MACF1: variants seen among roughly 807,000 people sequenced by gnomAD.
MACF1 encodes microtubule-actin cross-linking factor 1.
A neutral mutation model predicts 854.8 loss-of-function variants in MACF1; 193 were observed. The observed-to-expected ratio is 0.23, with a 90% CI of 0.20 to 0.25. MACF1 has a LOEUF of 0.25. Among genes scored for constraint, MACF1 ranks in the 10% least tolerant of loss-of-function variants. The pLI is 1.00. For missense variants in MACF1, 7,722 were observed against 8,929.1 expected, an observed-to-expected ratio of 0.86 and a Z score of 5.45; for synonymous variants, 3,185 against 3,226.7, an observed-to-expected ratio of 0.99 and a Z score of 0.44.
At chr1:39,167,886 AAG>A (rs1312443776) in intron 2 of MACF1, among the ~76,000 whole-genome samples, 1,295 of 120,564 alleles carry the variant, frequency 0.011, 19 homozygotes, top group Middle Eastern at 0.023. Flanking sequence ...AAAAAAAAAA[AAG>A]AGAGAGAGAG....
intron 6 of MACF1, 108 bp from the exon 7 acceptor site, chr1:39,282,100 C>T: frequency 8.9e-7 from 1 of 1,126,980 alleles, no homozygotes; most frequent in Non-Finnish European, 1.3e-6. Context: ...TAAAGTGCTT[C>T]CAGCCTTGGA....
chr1:39,309,740 G>A (rs1432233504), intron 24 of MACF1, 44 bp downstream of exon 24: 2 of 1,586,098 alleles, frequency 1.3e-6, no homozygotes, highest in Non-Finnish European at 1.7e-6. Context: ...CCATTGGCAA[G>A]ATTTTTTCAG....
intron 68 of MACF1, among the ~76,000 whole-genome samples, chr1:39,433,864 G>C (rs1033464976): frequency 2.6e-5 from 4 of 152,190 alleles, no homozygotes; most frequent in African/African-American, 4.8e-5. Flanking sequence ...CAGATTACCT[G>C]AGGTCAGGAG....
At chr1:39,330,674 A>G (rs892173693) in intron 36 of MACF1, among the ~76,000 whole-genome samples, 1 of 152,154 alleles carries the variant, frequency 6.6e-6, no homozygotes, top group African/African-American at 2.4e-5. Context: ...CCTATTAAAC[A>G]TTCTGCAGTT....
At chr1:39,415,510 A>G (rs1049829433) in intron 58 of MACF1, among the ~76,000 whole-genome samples, 1 of 146,004 alleles carries the variant, frequency 6.8e-6, no homozygotes, top group Non-Finnish European at 1.5e-5. Context: ...AATTTTTTGT[A>G]TATATATATA....
chr1:39,422,736 C>G lies in MACF1; in HGVS notation c.15985C>G (p.Gln5329Glu). Residue 5329 changes from glutamine (Q) to glutamate (E), a missense_variant, in exon 60 of 101, where the codon CAA becomes GAA. Gln to Glu is a conservative substitution (Grantham distance 29). This residue lies in a region of MACF1 where 2,807 missense variants were observed against 3,235.8 expected (regional missense o/e 0.87). Transcript: ENST00000564288. ...CTACATGTTCATGATACAGGTCGCA[C>G]AAAGAATTGCACAGCTACAGGAAGC... ...RWNTLNKKVAQRIAQLQEALL... is the reference protein window; with the variant it reads ...RWNTLNKKVAERIAQLQEALL... 6.2e-7 allele frequency: 1 copy of G among 1,613,854 alleles called. No individual in the cohort carries two copies. Among genetic ancestry groups the G allele is most frequent in the Non-Finnish European group, 8.5e-7 (1 of 1,179,754 alleles).
At chr1:39,281,550 G>A (rs1645547888) in intron 6 of MACF1, among the ~76,000 whole-genome samples, 1 of 149,458 alleles carries the variant, frequency 6.7e-6, no homozygotes, top group Non-Finnish European at 1.5e-5. Flanking sequence ...CAGTGTTGTG[G>A]CATGATCATA....
chr1:39,412,835 G>T, intron 58 of MACF1: 1 of 1,611,718 alleles, frequency 6.2e-7, no homozygotes, highest in Non-Finnish European at 8.5e-7. Flanking sequence ...CCAGAGGAGG[G>T]TACCTCAATT....
intron 2 of MACF1, among the ~76,000 whole-genome samples, chr1:39,125,311 C>G (rs1006376326): frequency 6.6e-6 from 1 of 152,184 alleles, no homozygotes; most frequent in African/African-American, 2.4e-5. Context: ...TGAATCTTGA[C>G]TCAGCCACTT....
Position 39,439,432 on chromosome 1 carries a change from A to G in MACF1, c.18379A>G (p.Ile6127Val), listed in dbSNP as rs1644054095. ...LLTTIKDTQDIVHDLESPGID... is the reference protein window; with the variant it reads ...LLTTIKDTQDVVHDLESPGID... ...GACCACCATCAAAGACACCCAGGATATTGTCCATGACTTGGAAAGCCCAGG... is the reference window on the plus strand; with the variant it reads ...GACCACCATCAAAGACACCCAGGATGTTGTCCATGACTTGGAAAGCCCAGG... Residue 6127 changes from isoleucine (I) to valine (V), a missense_variant, in exon 72 of 101, where the codon ATT becomes GTT. Physicochemically the swap from Ile to Val is conservative, Grantham distance 29. Transcript: ENST00000564288. The G allele has an allele frequency of 1.2e-6, 2 of 1,614,178 alleles. No homozygotes were observed. The highest frequency in any genetic ancestry group is 2.2e-5 in the East Asian group (1 of 44,884).
intron 95 of MACF1, 43 bp from the exon 96 acceptor site, chr1:39,468,572 C>T (rs757572290): frequency 6.7e-7 from 1 of 1,491,808 alleles, no homozygotes; most frequent in Non-Finnish European, 9.4e-7. Flanking sequence ...CATAGATCTG[C>T]TTTAAGACAT....
At chr1:39,313,989 A>G (rs1646355629) in intron 26 of MACF1, among the ~76,000 whole-genome samples, 1 of 152,210 alleles carries the variant, frequency 6.6e-6, no homozygotes, top group South Asian at 2.1e-4. Flanking sequence ...CTGGAAATCA[A>G]CTGTTTCTCC....
chr1:39,477,133 TATACAC>T (rs1367116499), intron 97 of MACF1, among the ~76,000 whole-genome samples: 5 of 98,920 alleles, frequency 5.1e-5, no homozygotes, highest in African/African-American at 1.3e-4. Context: ...TATATATATA[TATACAC>T]ACACACACAC....
At chr1:39,281,503 T>G (rs1645546181) in intron 6 of MACF1, among the ~76,000 whole-genome samples, 1 of 151,368 alleles carries the variant, frequency 6.6e-6, no homozygotes, top group Non-Finnish European at 1.5e-5. Flanking sequence ...TTTTATTTAC[T>G]TTTTTGAGAT....
intron 6 of MACF1, chr1:39,268,667 G>C: frequency 1.6e-6 from 2 of 1,238,614 alleles, no homozygotes; most frequent in Non-Finnish European, 2.1e-6. Context: ...TGGCTTAGCT[G>C]CGTTTTTGCT....
rs777803611 is a variant in MACF1 at position 39,287,470 on chromosome 1, A to G, written c.1693A>G (p.Thr565Ala). 3 of 1,614,112 alleles carry G rather than the reference A, an allele frequency of 1.9e-6. No homozygotes were observed. The highest frequency in any genetic ancestry group is 2.5e-6 in the Non-Finnish European group (3 of 1,180,014). ...TACCTCCTGGTTCCGAAAGCCTATG[A>G]CTCGGGCTGAACTTGTGGCCATCAG... Reference protein sequence around the residue: ...SSTSWFRKPMTRAELVAISSS... With the variant: ...SSTSWFRKPMARAELVAISSS... The change falls in exon 15 of 101, where the codon ACT becomes GCT. Residue 565 changes from threonine (T) to alanine (A), a missense_variant. By Grantham distance (58) the Thr-to-Ala change is moderately conservative. Coordinates refer to ENST00000564288, the MANE Select transcript of MACF1 (RefSeq NM_001394062.1).
chr1:39,336,313 T>C lies in MACF1; in HGVS notation c.9725T>C (p.Met3242Thr), dbSNP rs550436334. 1.2e-6 allele frequency: 2 copies of C among 1,614,134 alleles called. No homozygotes were observed. The highest frequency in any genetic ancestry group is 2.2e-5 in the East Asian group (1 of 44,882). The change falls in exon 37 of 101, where the codon ATG becomes ACG. Residue 3242 changes from methionine to threonine, a missense_variant. Transcript: ENST00000564288. The stretch of plus-strand genomic sequence containing the variant: ...CTAACTGGAGAGAAATTTCTAGAAA[T>C]GGCAAACCCTAATGTTGCAGGTCTA... ...QELTGEKFLE[M>T]ANPNVAGLEA... is the part of the protein sequence containing the mutation.
At chr1:39,443,305 C>A in intron 78 of MACF1, 141 bp from the exon 79 acceptor site, 1 of 766,436 alleles carries the variant, frequency 1.3e-6, no homozygotes, top group Non-Finnish European at 2.1e-6. Flanking sequence ...TGGCCCCATG[C>A]TAATCTAGCA....
chr1:39,258,791 C>G (rs1290892944), intron 6 of MACF1, among the ~76,000 whole-genome samples: 1 of 152,166 alleles, frequency 6.6e-6, no homozygotes, highest in African/African-American at 2.4e-5. Flanking sequence ...GTGCCGACTT[C>G]AGGGATGAGG....
Sources: gnomAD v4.1 joint callset for allele counts (sites outside exome capture counted in the v4.1 genomes callset) on GRCh38, gnomAD v4.1.1 for gene constraint, gnomAD v4.1.1 regional missense constraint, MANE v1.5 for transcripts, NCBI Gene and HGNC (gene_info 2026-07-23, HGNC 2026-07-21) for gene names.